TMTC2: variants seen among roughly 807,000 people sequenced by gnomAD.
TMTC2 encodes the protein transmembrane O-mannosyltransferase targeting cadherins 2, also known as protein O-mannosyl-transferase TMTC2.
Under a neutral mutation model 82.4 loss-of-function variants are expected in TMTC2, and 43 were observed. The ratio of observed to expected loss-of-function variants is 0.52; its 90% CI spans 0.41 to 0.67. The LOEUF is 0.67. Ranked by LOEUF, TMTC2 falls within the 30% of genes least tolerant of loss-of-function variation. The pLI, the probability that TMTC2 is intolerant of heterozygous loss-of-function variation, is 0.00. For missense variants in TMTC2, 919 were observed against 1,012.4 expected (o/e 0.91, Z 1.25); for synonymous variants, 408 against 381.9 (o/e 1.07, Z -0.80).
In TMTC2 at chr12:83,030,628, T is replaced by G. The variant is rs191507253; in HGVS notation, c.2071-170T>G. Among the ~76,000 whole-genome samples the G allele has an allele frequency of 4.8e-4, 73 of 152,250 alleles. 1 individual carries two copies. The highest frequency in any genetic ancestry group is 1.6e-3 in the African/African-American group (67 of 41,540). The stretch of plus-strand genomic sequence containing the variant: ...TTCCAGGGTTCAGACCTCAGTGTTC[T>G]CTCTCAACACTTTTTCCTTGATCAT... On this transcript the variant is annotated intron_variant, in intron 8 of 11. Transcript: ENST00000321196.
intron 9 of TMTC2, among the ~76,000 whole-genome samples, chr12:83,038,101 C>T (rs1001481208): frequency 1.5e-4 from 19 of 130,550 alleles, no homozygotes; most frequent in African/African-American, 5.1e-4. Flanking sequence ...AACACATGGA[C>T]ACAGGAAGGG....
intron 1 of TMTC2, among the ~76,000 whole-genome samples, chr12:82,698,401 A>G (rs1026916357): frequency 2.6e-5 from 4 of 152,156 alleles, no homozygotes; most frequent in Non-Finnish European, 4.4e-5. Flanking sequence ...ACTGCCAACC[A>G]CAGAGTGAGA....
At chr12:82,735,845 G>A (rs1875091062) in intron 1 of TMTC2, among the ~76,000 whole-genome samples, 11 of 151,784 alleles carry the variant, frequency 7.2e-5, no homozygotes, top group Admixed American at 7.2e-4. Flanking sequence ...AATTAGCCTG[G>A]CGTGGTGGTA....
At chr12:82,734,020 G>A (rs1874962997) in intron 1 of TMTC2, among the ~76,000 whole-genome samples, 1 of 152,142 alleles carries the variant, frequency 6.6e-6, no homozygotes, top group African/African-American at 2.4e-5. Flanking sequence ...ACTAGTATGT[G>A]AATTCATTCA....
chr12:82,690,319 T>G, intron 1 of TMTC2: 1 of 975,994 alleles, frequency 1.0e-6, no homozygotes, highest in Non-Finnish European at 1.2e-6. Flanking sequence ...GGAACTTTTG[T>G]GAAATCCAGT....
At chr12:82,831,467 A>C (rs2137076619) in intron 1 of TMTC2, among the ~76,000 whole-genome samples, 1 of 152,332 alleles carries the variant, frequency 6.6e-6, no homozygotes, top group South Asian at 2.1e-4. Flanking sequence ...AACTCTAATT[A>C]TAACATACGG....
At chr12:82,866,886 CTT>C (rs1218749836) in intron 2 of TMTC2, among the ~76,000 whole-genome samples, 1 of 152,090 alleles carries the variant, frequency 6.6e-6, no homozygotes, top group African/African-American at 2.4e-5. Flanking sequence ...AAAAAACTGA[CTT>C]ATGTCAAATG....
intron 1 of TMTC2, among the ~76,000 whole-genome samples, chr12:82,803,724 C>T (rs1487233378): frequency 6.6e-6 from 1 of 152,074 alleles, no homozygotes; most frequent in Non-Finnish European, 1.5e-5. Flanking sequence ...GGCATGCAGG[C>T]AGCCCACCCC....
Position 83,004,174 on chromosome 12 carries a change from A to G in TMTC2, c.2070+18128A>G, listed in dbSNP as rs566213999. Among the ~76,000 whole-genome samples the G allele has an allele frequency of 1.4e-4, 21 of 152,176 alleles. 1 individual carries two copies. In the South Asian group the frequency reaches 4.4e-3, roughly 32 times the overall value. On this transcript the variant is annotated intron_variant, in intron 8 of 11. Coordinates refer to ENST00000321196, the MANE Select transcript of TMTC2 (RefSeq NM_152588.3). ...CCCTGTTGTGTTGTTAATGCCTCCA[A>G]CCGTATTATGACATTCCTTGTGAAT...
chr12:83,087,703 A>G (rs1054187205), intron 11 of TMTC2, among the ~76,000 whole-genome samples: 1 of 152,212 alleles, frequency 6.6e-6, no homozygotes, highest in African/African-American at 2.4e-5. Context: ...GAATCTTTTT[A>G]TCTGAGCAGT....
chr12:82,976,386 A>AT (rs1878675315), intron 7 of TMTC2, among the ~76,000 whole-genome samples: 1 of 152,082 alleles, frequency 6.6e-6, no homozygotes, highest in African/African-American at 2.4e-5. Flanking sequence ...ACTTCTTAAC[A>AT]ATTGATGTTA....
chr12:82,752,166 T>TC (rs1565734749), intron 1 of TMTC2, among the ~76,000 whole-genome samples: 6 of 149,666 alleles, frequency 4.0e-5, no homozygotes, highest in Non-Finnish European at 8.8e-5. Context: ...TTTTTTTTTT[T>TC]CTGAAGGCTT....
chr12:82,759,401 A>C (rs1277495860), intron 1 of TMTC2: 2 of 152,234 alleles, frequency 1.3e-5, no homozygotes, highest in Non-Finnish European at 2.9e-5. Context: ...TAAAAGAGAG[A>C]TAAGATTCTA....
intron 8 of TMTC2, 46 bp from the exon 9 acceptor site, chr12:83,030,752 C>T: frequency 7.1e-7 from 1 of 1,415,788 alleles, no homozygotes; most frequent in Non-Finnish European, 1.0e-6. Flanking sequence ...AGTGAAGAAT[C>T]CCTCATGATC....
intron 9 of TMTC2, among the ~76,000 whole-genome samples, chr12:83,036,390 A>G (rs1881663284): frequency 6.6e-6 from 1 of 151,216 alleles, no homozygotes; most frequent in South Asian, 2.1e-4. Context: ...TATTATTATT[A>G]TTTGGCTCTA....
At chr12:82,827,781 T>G (rs1401575036) in intron 1 of TMTC2, among the ~76,000 whole-genome samples, 1 of 151,936 alleles carries the variant, frequency 6.6e-6, no homozygotes, top group African/African-American at 2.4e-5. Flanking sequence ...TGCAGCAGCC[T>G]TGACCTCTCA....
chr12:83,002,167 C>T (rs996275443), intron 8 of TMTC2, among the ~76,000 whole-genome samples: 2 of 152,130 alleles, frequency 1.3e-5, no homozygotes. Context: ...CATTATTGAT[C>T]TCTTCAGAGT....
chr12:82,827,451 T>C (rs1184812434), intron 1 of TMTC2, among the ~76,000 whole-genome samples: 2 of 152,194 alleles, frequency 1.3e-5, no homozygotes, highest in African/African-American at 2.4e-5. Flanking sequence ...AGACTTTTAT[T>C]GTTCTTTGCA....
At chr12:83,126,967 A>G (rs1308513975) in intron 11 of TMTC2, among the ~76,000 whole-genome samples, 3 of 152,158 alleles carry the variant, frequency 2.0e-5, no homozygotes. Context: ...ATTCATTTTT[A>G]AGCATCATGG....
Sources: gnomAD v4.1 joint callset for allele counts (sites outside exome capture counted in the v4.1 genomes callset) on GRCh38, gnomAD v4.1.1 for gene constraint, MANE v1.5 for transcripts, NCBI Gene and HGNC (gene_info 2026-07-23, HGNC 2026-07-21) for gene names.